The following LRMDA variants were observed in gnomAD, a reference collection of about 807,000 sequenced individuals.
The protein encoded by LRMDA is leucine-rich melanocyte differentiation-associated protein.
LRMDA carries 18 observed loss-of-function variants against 29.8 expected under a neutral mutation model. The observed-to-expected ratio is 0.60, with a 90% CI of 0.42 to 0.90. The LOEUF is 0.90. Ranked by LOEUF, LRMDA falls within the 40% of genes least tolerant of loss-of-function variation. The pLI is 0.00. For missense variants in LRMDA, 273 were observed against 273.9 expected (o/e 1.00, Z 0.02); for synonymous variants, 125 against 109.4 (o/e 1.14, Z -0.89).
At chr10:75,834,031 G>A (rs1011022787) in intron 2 of LRMDA, among the ~76,000 whole-genome samples, 4 of 152,200 alleles carry the variant, frequency 2.6e-5, no homozygotes, top group East Asian at 3.9e-4. Flanking sequence ...TTCCTTTTTC[G>A]TGAAGGTAGG....
intron 2 of LRMDA, among the ~76,000 whole-genome samples, chr10:75,875,084 T>A (rs1845174003): frequency 6.6e-6 from 1 of 152,200 alleles, no homozygotes; most frequent in Admixed American, 6.5e-5. Context: ...AATGGTAACA[T>A]GCACAGGGTA....
chr10:75,587,508 A>T (rs2132081368), intron 2 of LRMDA, among the ~76,000 whole-genome samples: 1 of 152,352 alleles, frequency 6.6e-6, no homozygotes, highest in African/African-American at 2.4e-5. Flanking sequence ...CATGTAATCC[A>T]GAAAACTGTA....
intron 2 of LRMDA, among the ~76,000 whole-genome samples, chr10:75,505,683 T>C (rs1237328644): frequency 1.3e-5 from 2 of 152,180 alleles, no homozygotes; most frequent in African/African-American, 4.8e-5. Flanking sequence ...AATGCCCTTC[T>C]TTCATGTTTC....
At chr10:76,184,124 G>A (rs925002476) in intron 5 of LRMDA, among the ~76,000 whole-genome samples, 8 of 151,678 alleles carry the variant, frequency 5.3e-5, no homozygotes, top group African/African-American at 1.9e-4. Context: ...TCTGCCTCCT[G>A]GGTTCAAGTG....
At chr10:75,642,845 A>T (rs546660559) in intron 2 of LRMDA, 1 of 152,288 alleles carries the variant, frequency 6.6e-6, no homozygotes, top group South Asian at 2.1e-4. Flanking sequence ...TAGTGTTCCC[A>T]TGATCTTTTG....
At chr10:76,149,159 TC>T (rs921100097) in intron 5 of LRMDA, among the ~76,000 whole-genome samples, 16 of 152,364 alleles carry the variant, frequency 1.1e-4, no homozygotes, top group African/African-American at 3.6e-4. Flanking sequence ...AGGTGATTTT[TC>T]CAGAACTGGA....
intron 2 of LRMDA, among the ~76,000 whole-genome samples, chr10:75,653,408 C>A (rs1448238675): frequency 6.6e-6 from 1 of 151,772 alleles, no homozygotes; most frequent in African/African-American, 2.4e-5. Context: ...AGTTCCTGTC[C>A]CCTTCTTGTT....
At chr10:76,378,420 G>T (rs1420586541) in intron 6 of LRMDA, among the ~76,000 whole-genome samples, 1 of 152,080 alleles carries the variant, frequency 6.6e-6, no homozygotes, top group Non-Finnish European at 1.5e-5. Flanking sequence ...TCCAGTACTA[G>T]AATAGGAGTG....
intron 5 of LRMDA, among the ~76,000 whole-genome samples, chr10:76,063,983 G>A (rs1455291297): frequency 6.6e-6 from 1 of 152,270 alleles, no homozygotes; most frequent in African/African-American, 2.4e-5. Context: ...TGTATCTCTA[G>A]TACCTAGTCT....
At chr10:75,653,105 A>G (rs1841619994) in intron 2 of LRMDA, among the ~76,000 whole-genome samples, 1 of 152,228 alleles carries the variant, frequency 6.6e-6, no homozygotes, top group Admixed American at 6.5e-5. Flanking sequence ...AAGCTCTCTA[A>G]GACTGAAGCA....
intron 2 of LRMDA, among the ~76,000 whole-genome samples, chr10:75,964,955 G>A (rs566927500): frequency 2.0e-5 from 3 of 152,226 alleles, no homozygotes; most frequent in South Asian, 4.2e-4. Context: ...TGGTGGAGAT[G>A]GGGTTTCGCC....
At position 76,357,284 on chromosome 10, in the gene LRMDA, AG is replaced by A. The variant is rs1294607593; in HGVS notation, c.601+32801del. On this transcript the variant is annotated intron_variant, in intron 6 of 6. Transcript: ENST00000611255. ...GGGATCTGAGTGGGACTCAGAAGAG[AG>A]GAGAAAGGCCATTTGGAACTCGATC... is the stretch of plus-strand genomic sequence containing the variant. 2.0e-5 allele frequency among the ~76,000 whole-genome samples: 3 copies of A among 152,236 alleles called. No individual in the cohort carries two copies. In the East Asian group the frequency reaches 5.8e-4, roughly 29 times the overall value.
chr10:75,607,833 T>C (rs1589202275), intron 2 of LRMDA, among the ~76,000 whole-genome samples: 1 of 148,494 alleles, frequency 6.7e-6, no homozygotes, highest in African/African-American at 2.5e-5. Context: ...GGTTTTTTTT[T>C]TTTTTTTTTT....
At chr10:76,212,737 C>A (rs17368212) in intron 5 of LRMDA, among the ~76,000 whole-genome samples, 4,235 of 152,240 alleles carry the variant, frequency 0.028, 87 homozygotes, top group Admixed American at 0.04. Flanking sequence ...TTGTGGGGAC[C>A]ACTAAGAATC....
At chr10:75,843,423 G>A (rs1298494532) in intron 2 of LRMDA, among the ~76,000 whole-genome samples, 4 of 152,210 alleles carry the variant, frequency 2.6e-5, no homozygotes, top group African/African-American at 9.6e-5. Flanking sequence ...GTGGTATAGA[G>A]AAGGGGGACA....
chr10:75,879,914 T>C (rs1845266283), intron 2 of LRMDA, among the ~76,000 whole-genome samples: 1 of 152,232 alleles, frequency 6.6e-6, no homozygotes, highest in African/African-American at 2.4e-5. Context: ...TCACAACTTG[T>C]TTGCCATTCA....
chr10:75,525,459 C>G, intron 2 of LRMDA, among the ~76,000 whole-genome samples: 1 of 151,982 alleles, frequency 6.6e-6, no homozygotes, highest in East Asian at 1.9e-4. Context: ...ATGAAAATGC[C>G]CAGGATTAAG....
intron 2 of LRMDA, among the ~76,000 whole-genome samples, chr10:75,575,603 C>T (rs1840493596): frequency 6.6e-6 from 1 of 152,176 alleles, no homozygotes; most frequent in Non-Finnish European, 1.5e-5. Flanking sequence ...AGGAACAGCT[C>T]CAGTCTGTAG....
At chr10:76,430,324 G>A (rs1842178085) in intron 6 of LRMDA, among the ~76,000 whole-genome samples, 1 of 152,122 alleles carries the variant, frequency 6.6e-6, no homozygotes, top group Non-Finnish European at 1.5e-5. Context: ...CCTTCCAGAG[G>A]AGTTCAAGAA....
Sources: allele counts gnomAD v4.1 joint callset (sites outside exome capture counted in the v4.1 genomes callset), GRCh38; gene constraint gnomAD v4.1.1; transcripts MANE v1.5; gene names NCBI Gene and HGNC (gene_info 2026-07-23, HGNC 2026-07-21).